Variants in NOX4 observed in about 807,000 individuals in gnomAD.
NOX4 encodes the protein NADPH oxidase 4.
In NOX4, 69 loss-of-function variants were observed where a neutral mutation model predicts 87.6. The observed-to-expected ratio is 0.79, with a 90% confidence interval of 0.65 to 0.96. The LOEUF is 0.96. Ranked by LOEUF, NOX4 falls within the 40% of genes least tolerant of loss-of-function variation. The pLI, the probability that NOX4 is intolerant of heterozygous loss-of-function variation, is 0.00. For synonymous variants in NOX4, 275 were observed against 238.2 expected (o/e 1.15, Z -1.42); for missense variants, 680 against 681.5 (o/e 1.00, Z 0.02).
chr11:89,395,242 T>C (rs576687651), intron 11 of NOX4, among the ~76,000 whole-genome samples: 1 of 152,334 alleles, frequency 6.6e-6, no homozygotes, highest in African/African-American at 2.4e-5. Context: ...TTTGCATTTC[T>C]GTGATGGCCA....
rs1435270678 is a variant in NOX4 at position 89,432,844 on chromosome 11, G to A, written c.488C>T (p.Thr163Ile). 8.1e-6 allele frequency: 13 copies of A among 1,609,774 alleles called. No homozygotes were observed. Among genetic ancestry groups the A allele is most frequent in the Non-Finnish European group, 1.1e-5 (13 of 1,176,948 alleles). Residue 163 changes from threonine (T) to isoleucine (I), a missense_variant, in exon 7 of 18, where the codon ACA (threonine) becomes ATA (isoleucine). Coordinates refer to ENST00000263317, the MANE Select transcript of NOX4 (RefSeq NM_016931.5). Reference protein sequence around the residue: ...KLLFTTVPGLTGVCMVVVLFL... With the variant: ...KLLFTTVPGLIGVCMVVVLFL... ...TAGCACCACCACCATGCAGACCCCT[G>A]TCAGGCCAGGAACTATAAAAATGTA... is the stretch of plus-strand genomic sequence containing the variant.
chr11:89,407,628 T>C (rs1942259342), intron 8 of NOX4, among the ~76,000 whole-genome samples: 1 of 152,102 alleles, frequency 6.6e-6, no homozygotes. Context: ...AATTATACTA[T>C]CTTGGTGTTT....
chr11:89,457,475 G>T (rs1565317199), intron 2 of NOX4, among the ~76,000 whole-genome samples: 1 of 152,114 alleles, frequency 6.6e-6, no homozygotes, highest in Non-Finnish European at 1.5e-5. Flanking sequence ...GTAGAGTTGT[G>T]GCCAGTAGAC....
chr11:89,328,019 G>A (rs1232077881), intron 17 of NOX4, among the ~76,000 whole-genome samples: 1 of 152,164 alleles, frequency 6.6e-6, no homozygotes, highest in Non-Finnish European at 1.5e-5. Context: ...TTATTGCCTG[G>A]AGGCAATCTG....
chr11:89,383,066 G>A (rs1024430015), intron 11 of NOX4, among the ~76,000 whole-genome samples: 3 of 151,828 alleles, frequency 2.0e-5, no homozygotes, highest in Non-Finnish European at 2.9e-5. Context: ...AATTAGAATC[G>A]GGCCCTGAAA....
the NOX4 span, among the ~76,000 whole-genome samples, chr11:89,544,538 A>C: frequency 6.6e-6 from 1 of 152,034 alleles, no homozygotes; most frequent in Non-Finnish European, 1.5e-5. Context: ...TATAGGCAGC[A>C]TTGTATCTTA....
At chr11:89,455,743 T>A (rs201596409) in intron 2 of NOX4, among the ~76,000 whole-genome samples, 1 of 135,380 alleles carries the variant, frequency 7.4e-6, no homozygotes, top group Non-Finnish European at 1.6e-5. Flanking sequence ...TATATATATA[T>A]ATGAAACAAA....
chr11:89,327,889 G>GA (rs1416883581), intron 17 of NOX4, among the ~76,000 whole-genome samples: 13 of 152,068 alleles, frequency 8.5e-5, no homozygotes, highest in Admixed American at 3.3e-4. Flanking sequence ...TAAAAATCTA[G>GA]AAAAAAAGCA....
intron 17 of NOX4, among the ~76,000 whole-genome samples, chr11:89,329,571 G>A (rs1363225233): frequency 3.3e-5 from 5 of 151,038 alleles, no homozygotes; most frequent in Non-Finnish European, 5.9e-5. Context: ...TACTAAAAAC[G>A]AGTGACAAAA....
intron 13 of NOX4, among the ~76,000 whole-genome samples, chr11:89,354,148 A>G (rs1341351003): frequency 1.3e-5 from 2 of 152,192 alleles, no homozygotes; most frequent in Non-Finnish European, 2.9e-5. Context: ...ATTAGATGAA[A>G]TATGTATAAA....
the NOX4 span, among the ~76,000 whole-genome samples, chr11:89,574,686 C>G: frequency 6.6e-6 from 1 of 152,170 alleles, no homozygotes; most frequent in Admixed American, 6.5e-5. Flanking sequence ...CTGCGTGGCA[C>G]TTAGTAGGCA....
chr11:89,395,833 T>G (rs1941445564), intron 11 of NOX4, among the ~76,000 whole-genome samples: 1 of 152,306 alleles, frequency 6.6e-6, no homozygotes, highest in South Asian at 2.1e-4. Flanking sequence ...GTGTTATTTC[T>G]GAGGGCTCTG....
At chr11:89,374,416 A>C (rs1021097888) in intron 11 of NOX4, among the ~76,000 whole-genome samples, 8 of 152,186 alleles carry the variant, frequency 5.3e-5, no homozygotes, top group Non-Finnish European at 1.0e-4. Flanking sequence ...CTGAATTCTA[A>C]AAATGCATCT....
chr11:89,552,242 G>T, the NOX4 span, among the ~76,000 whole-genome samples: 1 of 152,170 alleles, frequency 6.6e-6, no homozygotes, highest in African/African-American at 2.4e-5. Flanking sequence ...AAACTGAGAA[G>T]AATCATGTAA....
At chr11:89,333,595 T>C (rs1440988732) in intron 17 of NOX4, among the ~76,000 whole-genome samples, 2 of 151,798 alleles carry the variant, frequency 1.3e-5, no homozygotes, top group Admixed American at 6.6e-5. Context: ...TTCTGAAAGA[T>C]AAAAACTGTT....
At chr11:89,583,992 T>C in the NOX4 span, among the ~76,000 whole-genome samples, 1 of 152,318 alleles carries the variant, frequency 6.6e-6, no homozygotes, top group South Asian at 2.1e-4. Flanking sequence ...AAATCAATGA[T>C]GCCTTTGAAA....
chr11:89,400,637 A>G (rs1349779072), intron 9 of NOX4, among the ~76,000 whole-genome samples: 1 of 152,038 alleles, frequency 6.6e-6, no homozygotes, highest in Non-Finnish European at 1.5e-5. Flanking sequence ...TGAGCAAACA[A>G]GTATATATTC....
chr11:89,431,068 G>A (rs866267023), intron 7 of NOX4, among the ~76,000 whole-genome samples: 4 of 152,142 alleles, frequency 2.6e-5, no homozygotes, highest in Non-Finnish European at 5.9e-5. Flanking sequence ...ACAATCATCT[G>A]ATCTTTGACA....
chr11:89,428,053 A>G (rs317134), intron 7 of NOX4, among the ~76,000 whole-genome samples: 90,346 of 152,078 alleles, frequency 0.59, 29,536 homozygotes, highest in African/African-American at 0.87. Context: ...GAAGAGAGTG[A>G]GGGCCAACAT....
Sources: allele counts gnomAD v4.1 joint callset (sites outside exome capture counted in the v4.1 genomes callset), GRCh38; gene constraint gnomAD v4.1.1; transcripts MANE v1.5; gene names NCBI Gene and HGNC (gene_info 2026-07-23, HGNC 2026-07-21).